The following AHNAK variants were observed in gnomAD, a reference collection of about 807,000 sequenced individuals.
AHNAK encodes neuroblast differentiation-associated protein AHNAK.
AHNAK carries 23 observed loss-of-function variants against 37.8 expected under a neutral mutation model. The ratio of observed to expected loss-of-function variants is 0.61; its 90% CI spans 0.44 to 0.86. AHNAK has a LOEUF of 0.86. Ranked by LOEUF, AHNAK falls within the 40% of genes least tolerant of loss-of-function variation. The pLI is 0.00. For synonymous variants in AHNAK, 2,481 were observed against 2,636.3 expected (o/e 0.94, Z 1.80); for missense variants, 7,411 against 7,319.4 (o/e 1.01, Z -0.46).
intron 5 of AHNAK, among the ~76,000 whole-genome samples, chr11:62,473,406 A>G (rs1364391558): frequency 2.0e-5 from 3 of 148,080 alleles, no homozygotes; most frequent in Non-Finnish European, 4.5e-5. Context: ...AAAAAAAAAA[A>G]AAAAAAAGGC....
In AHNAK at chr11:62,521,321, C is replaced by T. The variant is rs1329198182; in HGVS notation, c.13096G>A (p.Ala4366Thr). 6.2e-7 allele frequency: 1 copy of T among 1,613,306 alleles called. No individual in the cohort carries two copies. Among genetic ancestry groups the T allele is most frequent in the Non-Finnish European group, 8.5e-7 (1 of 1,179,830 alleles). Reference sequence around the variant, plus strand: ...TTGAACTTTGGACCCTTGAGTTTTGCATCTGGACCTTCGATACTGACATCA... The same window carrying T: ...TTGAACTTTGGACCCTTGAGTTTTGTATCTGGACCTTCGATACTGACATCA... ...APDVSIEGPD[A>T]KLKGPKFKMP... Residue 4366 changes from alanine to threonine, a missense_variant, in exon 5 of 5, where the codon GCA becomes ACA. Ala to Thr is a moderately conservative substitution (Grantham distance 58). Transcript: ENST00000378024.
rs1940239268 is a variant in AHNAK at position 62,521,478 on chromosome 11, G to A, written c.12939C>T (p.His4313=). The A allele has an allele frequency of 3.1e-6, 5 of 1,611,486 alleles. No individual in the cohort carries two copies. Among genetic ancestry groups the A allele is most frequent in the Non-Finnish European group, 3.4e-6 (4 of 1,179,460 alleles). ...GCATTTTCACCTTGGGCATCTTCAG[G>A]TGCCAGTCTGGGCCATGAACATCTA... ...PDVDVHGPDW[H]LKMPKVKMPK... The change falls in exon 5 of 5, where the codon CAC becomes CAT. Residue 4313 remains histidine, a synonymous_variant. Transcript: ENST00000378024.
Position 62,521,022 on chromosome 11 carries a change from A to C in AHNAK, c.13395T>G (p.Asp4465Glu). The C allele has an allele frequency of 6.2e-7, 1 of 1,613,722 alleles. No individual in the cohort carries two copies. Among genetic ancestry groups the C allele is most frequent in the Non-Finnish European group, 8.5e-7 (1 of 1,179,944 alleles). ...KAPKISMPDF[D>E]LHLKGPKVKG... Reference sequence around the variant, plus strand: ...TCACCTTGGGACCTTTCAGGTGCAAATCAAAGTCAGGCATAGAGATTTTGG... The same window carrying C: ...TCACCTTGGGACCTTTCAGGTGCAACTCAAAGTCAGGCATAGAGATTTTGG... The change falls in exon 5 of 5, where the codon GAT becomes GAG. Residue 4465 changes from aspartate (D) to glutamate (E), a missense_variant. By Grantham distance (45) the Asp-to-Glu change is conservative. Transcript: ENST00000378024.
At chr11:62,473,440 A>T (rs7925041) in intron 5 of AHNAK, among the ~76,000 whole-genome samples, 5 of 143,686 alleles carry the variant, frequency 3.5e-5, no homozygotes, top group African/African-American at 5.1e-5. Flanking sequence ...TCACGCCTGT[A>T]ATCCCAGCAC....
Position 62,531,646 on chromosome 11 carries a change from C to A in AHNAK, c.2771G>T (p.Gly924Val). Reference sequence around the variant, plus strand: ...GGGGCCCTTCAGCTTTCCTTCAGGTCCTTCAATATTCACATCTGGAACTTC... The same window carrying A: ...GGGGCCCTTCAGCTTTCCTTCAGGTACTTCAATATTCACATCTGGAACTTC... ...GVEVPDVNIE[G>V]PEGKLKGPKF... Residue 924 changes from glycine (G) to valine (V), a missense_variant, in exon 5 of 5, where the codon GGA (glycine) becomes GTA (valine). Gly to Val is a moderately radical substitution (Grantham distance 109). Transcript: ENST00000378024. 1 of 1,612,836 alleles carries A rather than the reference C, an allele frequency of 6.2e-7. No individual in the cohort carries two copies. The highest frequency in any genetic ancestry group is 8.5e-7 in the Non-Finnish European group (1 of 1,179,710).
rs1161204056 is a variant in AHNAK, at chr11:62,517,839, A to T, written c.16578T>A (p.Gly5526=). The T allele has an allele frequency of 1.9e-6, 3 of 1,614,066 alleles. No homozygotes were observed. Among genetic ancestry groups the T allele is most frequent in the Non-Finnish European group, 2.5e-6 (3 of 1,180,012 alleles). The change falls in exon 5 of 5, where the codon GGT becomes GGA. Residue 5526 remains glycine (G), a synonymous_variant. Transcript: ENST00000378024. ...GGAAACCTACTTCTGAACCTTTCAG[A>T]CCACCTTTGATTTCAGGCCCAGAAA... The part of the protein sequence containing the change: ...GQISGPEIKG[G]LKGSEVGFHG...
chr11:62,485,170 G>A (rs994805262), intron 5 of AHNAK, among the ~76,000 whole-genome samples: 47 of 152,156 alleles, frequency 3.1e-4, no homozygotes, highest in African/African-American at 9.9e-4. Context: ...AGGCCAAAGC[G>A]GGAGGATCGT....
chr11:62,527,336 C>G lies in AHNAK; in HGVS notation c.7081G>C (p.Ala2361Pro), dbSNP rs1435112193. The change falls in exon 5 of 5, where the codon GCT becomes CCT. Residue 2361 changes from alanine (A) to proline (P), a missense_variant. Coordinates refer to ENST00000378024, the MANE Select transcript of AHNAK (RefSeq NM_001620.3). ...CACTTGCCATTTGGGCCTTCCACAG[C>G]TACTTCTGGCATGTCAGCATCTAAT... The part of the protein sequence containing the change: ...PKLDADMPEV[A>P]VEGPNGKWKT... The G allele has an allele frequency of 6.2e-7, 1 of 1,613,714 alleles. No individual in the cohort carries two copies. The highest frequency in any genetic ancestry group is 8.5e-7 in the Non-Finnish European group (1 of 1,179,904).
In AHNAK at chr11:62,520,795, A is replaced by G; in HGVS notation, c.13622T>C (p.Val4541Ala). ...TTTCAGATCTCCCTCCAGTTTAGGA[A>G]CGGAAATGTCCATATCTCCTTTTAT... The part of the protein sequence containing the change: ...PKIKGDMDIS[V>A]PKLEGDLKGP... The change falls in exon 5 of 5, where the codon GTT (valine) becomes GCT (alanine). Residue 4541 changes from valine (V) to alanine (A), a missense_variant. Coordinates refer to ENST00000378024, the MANE Select transcript of AHNAK (RefSeq NM_001620.3). 1 of 1,614,032 alleles carries G rather than the reference A, an allele frequency of 6.2e-7. No homozygotes were observed. Among genetic ancestry groups the G allele is most frequent in the Non-Finnish European group, 8.5e-7 (1 of 1,179,982 alleles).
At chr11:62,433,787 G>A in exon 6 of AHNAK, 3 of 1,546,680 alleles carry the variant, frequency 1.9e-6, no homozygotes, top group Non-Finnish European at 2.7e-6. Context: ...TGTTGCCCTT[G>A]GCACAGCAAT....
intron 5 of AHNAK, among the ~76,000 whole-genome samples, chr11:62,435,496 C>T (rs1444358650): frequency 3.3e-5 from 5 of 151,962 alleles, no homozygotes; most frequent in Middle Eastern, 6.3e-3. Context: ...CTGCAGGCTC[C>T]GCCCCCCGGG....
intron 5 of AHNAK, among the ~76,000 whole-genome samples, chr11:62,437,632 T>C (rs1181231569): frequency 6.6e-6 from 1 of 152,228 alleles, no homozygotes; most frequent in Non-Finnish European, 1.5e-5. Flanking sequence ...GTGCTGGGAT[T>C]ACAGGTGTGA....
chr11:62,524,434 T>A lies in AHNAK; in HGVS notation c.9983A>T (p.Asp3328Val). 9.9e-6 allele frequency: 16 copies of A among 1,613,828 alleles called. No individual in the cohort carries two copies. The highest frequency in any genetic ancestry group is 1.4e-5 in the Non-Finnish European group (16 of 1,179,944). The change falls in exon 5 of 5, where the codon GAT becomes GTT. Residue 3328 changes from aspartate (D) to valine (V), a missense_variant. Coordinates refer to ENST00000378024, the MANE Select transcript of AHNAK (RefSeq NM_001620.3). ...LEGDIKAPSL[D>V]IKGPEVDVSG... ...AACGTCCACTTCTGGGCCCTTTATATCCAAACTGGGAGCTTTAATGTCACC... is the reference window on the plus strand; with the variant it reads ...AACGTCCACTTCTGGGCCCTTTATAACCAAACTGGGAGCTTTAATGTCACC...
Position 62,533,917 on chromosome 11 carries a change from C to G in AHNAK, c.500G>C (p.Arg167Pro). Residue 167 changes from arginine (R) to proline (P), a missense_variant, in exon 5 of 5, where the codon CGG becomes CCG. Coordinates refer to ENST00000378024, the MANE Select transcript of AHNAK (RefSeq NM_001620.3). ...GATGTCTATGTCCTTGGCTCCTTCC[C>G]GGCCAGTCACATCCACAGTGTAGGC... ...VTAYTVDVTG[R>P]EGAKDIDISS... 6.2e-7 allele frequency: 1 copy of G among 1,614,152 alleles called. No individual in the cohort carries two copies. Among genetic ancestry groups the G allele is most frequent in the South Asian group, 1.1e-5 (1 of 91,082 alleles).
chr11:62,529,965 A>G lies in AHNAK; in HGVS notation c.4452T>C (p.Asp1484=). The change falls in exon 5 of 5, where the codon GAT becomes GAC. Residue 1484 remains aspartate (D), a synonymous_variant. Transcript: ENST00000378024. ...CAACTTTGGGGCCTTTGATGTCAAC[A>G]TCAGGAGCTTTTATCTCTCCTTCTA... The part of the protein sequence containing the change: ...PKVEGEIKAP[D]VDIKGPKVDI... 6.2e-7 allele frequency: 1 copy of G among 1,613,420 alleles called. No individual in the cohort carries two copies. Among genetic ancestry groups the G allele is most frequent in the Non-Finnish European group, 8.5e-7 (1 of 1,179,884 alleles).
rs542163857 is a variant in AHNAK at position 62,449,024 on chromosome 11, C to T, written c.443-15133G>A. On this transcript the variant is annotated intron_variant, in intron 5 of 5. Coordinates refer to the AHNAK transcript ENST00000257247. ...CAGAGGCTGAAGTGAGCCGAGACTG[C>T]GCCACTGCACTCCAGCCTGGGTGAC... is the stretch of plus-strand genomic sequence containing the variant. 4.6e-5 allele frequency among the ~76,000 whole-genome samples: 7 copies of T among 152,096 alleles called. No homozygotes were observed. In the South Asian group the frequency reaches 8.3e-4, roughly 18 times the overall value.
chr11:62,535,102 C>G lies in AHNAK; in HGVS notation c.243G>C (p.Thr81=), dbSNP rs376663561. ...TQLLNTMGHH[T]VGLKLHRKGD... ...CCTTGCGGTGCAGCTTCAGGCCCAC[C>G]GTGTGGTGCCCCATGGTGTTCAGCA... The change falls in exon 4 of 5, where the codon ACG becomes ACC. Residue 81 remains threonine (T), a synonymous_variant. Coordinates refer to ENST00000378024, the MANE Select transcript of AHNAK (RefSeq NM_001620.3). 3.1e-6 allele frequency: 5 copies of G among 1,614,034 alleles called. No individual in the cohort carries two copies. The Admixed American group carries it at 5.0e-5, about 16-fold the overall frequency.
In AHNAK at chr11:62,520,407, T is replaced by G; in HGVS notation, c.14010A>C (p.Pro4670=). 1 of 1,613,808 alleles carries G rather than the reference T, an allele frequency of 6.2e-7. No individual in the cohort carries two copies. Among genetic ancestry groups the G allele is most frequent in the African/African-American group, 1.3e-5 (1 of 74,886 alleles). The change falls in exon 5 of 5, where the codon CCA becomes CCC. Residue 4670 remains proline, a synonymous_variant. Coordinates refer to ENST00000378024, the MANE Select transcript of AHNAK (RefSeq NM_001620.3). Reference sequence around the variant, plus strand: ...CCTTGGGCAGGTTCACATCCACATCTGGGCCCTCTCCTTTGAAGCCAGGCA... The same window carrying G: ...CCTTGGGCAGGTTCACATCCACATCGGGGCCCTCTCCTTTGAAGCCAGGCA... ...FSMPGFKGEG[P]DVDVNLPKAD... is the part of the protein sequence containing the mutation.
chr11:62,491,641 C>T (rs1939505576), intron 5 of AHNAK: 2 of 1,299,564 alleles, frequency 1.5e-6, no homozygotes, highest in Admixed American at 2.0e-5. Context: ...GTGTGGCTTC[C>T]ACAGCCCAGG....
Sources: gnomAD v4.1 joint callset for allele counts (sites outside exome capture counted in the v4.1 genomes callset) on GRCh38, gnomAD v4.1.1 for gene constraint, MANE v1.5 for transcripts, NCBI Gene and HGNC (gene_info 2026-07-23, HGNC 2026-07-21) for gene names.